The following NELL2 variants were observed in gnomAD, a reference collection of about 807,000 sequenced individuals.
The protein encoded by NELL2 is protein kinase C-binding protein NELL2.
Under a neutral mutation model 109.6 loss-of-function variants are expected in NELL2, and 41 were observed. That is an observed-to-expected ratio of 0.37 (90% CI 0.29 to 0.49). The LOEUF is 0.49. Among genes scored for constraint, NELL2 ranks in the 20% least tolerant of loss-of-function variants. The probability of loss-of-function intolerance (pLI) is 0.98; values close to 1 mark genes in which losing one functional copy is unlikely to be tolerated. For synonymous variants in NELL2, 355 were observed against 344.7 expected (o/e 1.03, Z -0.33); for missense variants, 900 against 1,008.3 (o/e 0.89, Z 1.45).
At chr12:44,888,866 G>A (rs925476545) in intron 1 of NELL2, among the ~76,000 whole-genome samples, 2 of 151,842 alleles carry the variant, frequency 1.3e-5, no homozygotes, top group Non-Finnish European at 2.9e-5. Context: ...AAATAAATAA[G>A]AGAAGTATTG....
intron 2 of NELL2, among the ~76,000 whole-genome samples, chr12:44,830,049 T>C (rs1359261208): frequency 6.6e-6 from 1 of 152,196 alleles, no homozygotes; most frequent in African/African-American, 2.4e-5. Context: ...TCTAGTAAAA[T>C]GATTAGCATA....
chr12:44,771,351 A>G (rs1941543861), intron 9 of NELL2, among the ~76,000 whole-genome samples: 1 of 151,996 alleles, frequency 6.6e-6, no homozygotes, highest in African/African-American at 2.4e-5. Flanking sequence ...TTTTTTAAAA[A>G]AAAAAAAGGA....
intron 9 of NELL2, among the ~76,000 whole-genome samples, chr12:44,721,074 T>C (rs940614089): frequency 2.6e-5 from 4 of 152,198 alleles, no homozygotes; most frequent in African/African-American, 9.6e-5. Flanking sequence ...GGTTAGAGAA[T>C]GTATATGCTG....
intron 13 of NELL2, among the ~76,000 whole-genome samples, chr12:44,660,109 T>C (rs1370158792): frequency 6.6e-6 from 1 of 152,138 alleles, no homozygotes; most frequent in Non-Finnish European, 1.5e-5. Flanking sequence ...AGGGTCCTTT[T>C]TGTGGCCAAA....
chr12:44,792,797 CT>C (rs956457687), intron 3 of NELL2, among the ~76,000 whole-genome samples: 1 of 152,062 alleles, frequency 6.6e-6, no homozygotes, highest in Non-Finnish European at 1.5e-5. Context: ...TTGACAAGAG[CT>C]TTTTTAAAAG....
chr12:44,539,415 T>C (rs1182049423), intron 15 of NELL2, among the ~76,000 whole-genome samples: 1 of 152,156 alleles, frequency 6.6e-6, no homozygotes, highest in Non-Finnish European at 1.5e-5. Flanking sequence ...ATATCGACTT[T>C]GGGAGAATTG....
chr12:44,710,714 G>A (rs1214040659), intron 11 of NELL2, among the ~76,000 whole-genome samples: 1 of 152,052 alleles, frequency 6.6e-6, no homozygotes, highest in East Asian at 1.9e-4. Context: ...AATAATTGAA[G>A]TCCCTTCTAA....
intron 9 of NELL2, among the ~76,000 whole-genome samples, chr12:44,760,864 G>A (rs538014936): frequency 1.3e-5 from 2 of 152,152 alleles, no homozygotes; most frequent in South Asian, 4.1e-4. Flanking sequence ...ACTGAAGGCA[G>A]AACTATTAGG....
intron 15 of NELL2, among the ~76,000 whole-genome samples, chr12:44,568,720 T>A (rs1321909723): frequency 1.3e-5 from 2 of 152,026 alleles, no homozygotes; most frequent in East Asian, 1.9e-4. Context: ...ATATAGTATG[T>A]ATATGTGTAC....
chr12:44,753,417 A>T lies in NELL2; in HGVS notation c.994+21330T>A, dbSNP rs142959584. On this transcript the variant is annotated intron_variant, in intron 9 of 19. Transcript: ENST00000429094. Reference sequence around the variant, plus strand: ...ATGAAAGAACATCTGGATAAATTCTAACTGGTTTTTCTTTTACTATTTTTC... The same window carrying T: ...ATGAAAGAACATCTGGATAAATTCTTACTGGTTTTTCTTTTACTATTTTTC... 2.0e-4 allele frequency among the ~76,000 whole-genome samples: 30 copies of T among 152,280 alleles called. No homozygotes were observed. In the East Asian group the frequency reaches 5.6e-3, roughly 28 times the overall value.
chr12:44,682,729 A>C (rs1948562768), intron 12 of NELL2, among the ~76,000 whole-genome samples: 2 of 152,212 alleles, frequency 1.3e-5, no homozygotes. Context: ...AGATAGTTGC[A>C]GATATGCGGT....
chr12:44,758,057 C>T (rs144285372), intron 9 of NELL2, among the ~76,000 whole-genome samples: 43 of 151,766 alleles, frequency 2.8e-4, no homozygotes, highest in African/African-American at 1.0e-3. Context: ...CACACACACA[C>T]ACACACTCCC....
intron 2 of NELL2, among the ~76,000 whole-genome samples, chr12:44,826,721 T>A (rs950505068): frequency 4.6e-5 from 7 of 152,178 alleles, no homozygotes; most frequent in Non-Finnish European, 8.8e-5. Context: ...GTCGTTTCTA[T>A]GAACTTACAA....
intron 13 of NELL2, among the ~76,000 whole-genome samples, chr12:44,641,015 T>A (rs1349863033): frequency 6.6e-6 from 1 of 152,184 alleles, no homozygotes; most frequent in Non-Finnish European, 1.5e-5. Flanking sequence ...TATGTTCTCT[T>A]GGAACCAGAT....
intron 15 of NELL2, among the ~76,000 whole-genome samples, chr12:44,552,712 A>C (rs1219924713): frequency 3.3e-5 from 5 of 152,112 alleles, no homozygotes; most frequent in Non-Finnish European, 7.4e-5. Context: ...TAAGAACAAA[A>C]AGAAGCCAGT....
At chr12:44,816,885 G>A (rs1943370319) in intron 2 of NELL2, among the ~76,000 whole-genome samples, 1 of 152,216 alleles carries the variant, frequency 6.6e-6, no homozygotes, top group Non-Finnish European at 1.5e-5. Context: ...TGGGGAAACA[G>A]ATAAGGATAG....
rs1330730106 is a variant in NELL2 at position 44,800,130 on chromosome 12, A to G, written c.335+15856T>C. Among the ~76,000 whole-genome samples the G allele has an allele frequency of 2.6e-5, 4 of 152,340 alleles. No individual in the cohort carries two copies. In the East Asian group the frequency reaches 7.7e-4, roughly 29 times the overall value. On this transcript the variant is annotated intron_variant, in intron 3 of 19. Transcript: ENST00000429094. ...ATCATTAATTACTTAGTCATTTGGC[A>G]TATAAGACACTACTATGTACTTAAT...
At chr12:44,635,950 CTT>C (rs1313587574) in intron 13 of NELL2, among the ~76,000 whole-genome samples, 3 of 152,040 alleles carry the variant, frequency 2.0e-5, no homozygotes, top group Non-Finnish European at 2.9e-5. Flanking sequence ...TGTGTCCTCT[CTT>C]GTTTCCTTGA....
At chr12:44,841,513 G>C (rs546320914) in intron 2 of NELL2, among the ~76,000 whole-genome samples, 1 of 152,310 alleles carries the variant, frequency 6.6e-6, no homozygotes, top group Non-Finnish European at 1.5e-5. Flanking sequence ...CAATCACATA[G>C]CTATGATCCT....
Sources: gnomAD v4.1 joint callset for allele counts (sites outside exome capture counted in the v4.1 genomes callset) on GRCh38, gnomAD v4.1.1 for gene constraint, MANE v1.5 for transcripts, NCBI Gene and HGNC (gene_info 2026-07-23, HGNC 2026-07-21) for gene names.